Variants in GPR162 observed in about 807,000 individuals in gnomAD.
GPR162 encodes the protein probable G protein-coupled receptor 162.
A neutral mutation model predicts 44.9 loss-of-function variants in GPR162; 26 were observed. That is an observed-to-expected ratio of 0.58 (90% CI 0.42 to 0.80). The LOEUF is 0.80. Ranked by LOEUF, GPR162 falls within the 30% of genes least tolerant of loss-of-function variation. The pLI, the probability that GPR162 is intolerant of heterozygous loss-of-function variation, is 0.00. For missense variants in GPR162, 704 were observed against 802.3 expected (o/e 0.88, Z 1.48); for synonymous variants, 363 against 335.2 (o/e 1.08, Z -0.91).
chr12:6,825,386 T>A, intron 2 of GPR162, 98 bp from the exon 3 acceptor site: 1 of 702,770 alleles, frequency 1.4e-6, no homozygotes, highest in Non-Finnish European at 2.4e-6. Flanking sequence ...GATCAGGCAT[T>A]ACTTCTGACG....
rs1565509594 is a variant in GPR162 at position 6,827,207 on chromosome 12, C to A, written c.*3C>A. 1.3e-6 allele frequency: 2 copies of A among 1,596,186 alleles called. No homozygotes were observed. Among genetic ancestry groups the A allele is most frequent in the East Asian group, 2.2e-5 (1 of 44,518 alleles). ...TCTTTCCCCAGCTGACCCTGTGAGCCCAAGCAGGCCTGCTGAACTCAGAGG... is the reference window on the plus strand; with the variant it reads ...TCTTTCCCCAGCTGACCCTGTGAGCACAAGCAGGCCTGCTGAACTCAGAGG... On this transcript the variant is annotated 3_prime_UTR_variant, in exon 5 of 5. Coordinates refer to ENST00000311268, the MANE Select transcript of GPR162 (RefSeq NM_019858.2).
chr12:6,823,670 A>G lies in GPR162; in HGVS notation c.-229A>G. On this transcript the variant is annotated 5_prime_UTR_variant, in exon 2 of 5. Transcript: ENST00000311268. ...CTTAAGGAAGGCCCCGCCCAGTATG[A>G]AAGCTGAGGATTGCCTCTGCTGACC... 8.0e-7 allele frequency: 1 copy of G among 1,254,888 alleles called. No individual in the cohort carries two copies. The allele number at this position is 1,254,888 out of a possible 1,614,324, so 77.7% of individuals were successfully genotyped here.
chr12:6,825,512 A>ATGGTG lies in GPR162; in HGVS notation c.896_897insTGGTG (p.Ser300GlyfsTer88). The ATGGTG allele has an allele frequency of 6.2e-7, 1 of 1,611,138 alleles. No individual in the cohort carries two copies. The highest frequency in any genetic ancestry group is 8.5e-7 in the Non-Finnish European group (1 of 1,179,152). ...GTGAGCTTCTTCTCCCTCAAGTCGG[A>ATGGTG]CTCGGCGCCCCCCTGGATGGTGCTG... On this transcript the variant is annotated frameshift_variant, in exon 3 of 5. Coordinates refer to ENST00000311268, the MANE Select transcript of GPR162 (RefSeq NM_019858.2). LOFTEE classifies it high-confidence loss of function.
In GPR162 at chr12:6,823,485, G is replaced by T; in HGVS notation, c.-414G>T. 1 of 463,436 alleles carries T rather than the reference G, an allele frequency of 2.2e-6. No homozygotes were observed. Among genetic ancestry groups the T allele is most frequent in the Non-Finnish European group, 3.8e-6 (1 of 261,086 alleles). 28.7% of individuals were successfully genotyped at this position (463,436 alleles called of 1,614,324 possible). A position where few individuals can be genotyped will look rare whatever the true frequency, so the allele number is the denominator to read the frequency against. On this transcript the variant is annotated 5_prime_UTR_variant, in exon 2 of 5. Coordinates refer to ENST00000311268, the MANE Select transcript of GPR162 (RefSeq NM_019858.2). ...CCTTGCAGCCTGTCCAGGGGGCTGA[G>T]CCCCACCCCCAAATCCCTGGGGCAT...
chr12:6,825,388 C>A, intron 2 of GPR162, 96 bp from the exon 3 acceptor site: 1 of 718,976 alleles, frequency 1.4e-6, no homozygotes, highest in Non-Finnish European at 2.3e-6. Flanking sequence ...TCAGGCATTA[C>A]TTCTGACGTC....
At position 6,826,224 on chromosome 12, in the gene GPR162, C is replaced by T; in HGVS notation, c.1086C>T (p.Gly362=). The T allele has an allele frequency of 1.2e-6, 2 of 1,613,960 alleles. No individual in the cohort carries two copies. Among genetic ancestry groups the T allele is most frequent in the Non-Finnish European group, 1.7e-6 (2 of 1,179,914 alleles). The change falls in exon 4 of 5, where the codon GGC becomes GGT. Residue 362 remains glycine, a synonymous_variant. Transcript: ENST00000311268. ...GGGGCTGTGACGACTATGCAGAGGG[C>T]CGAGTTTGCAAAGTTCGCTTTGATG... ...DDGGCDDYAE[G]RVCKVRFDAN...
Position 6,826,849 on chromosome 12 carries a change from C to A in GPR162, c.1412C>A (p.Ala471Asp), listed in dbSNP as rs782353327. The change falls in exon 5 of 5, where the codon GCT (alanine) becomes GAT (aspartate). Residue 471 changes from alanine (A) to aspartate (D), a missense_variant. This residue lies in a region of GPR162 where 404 missense variants were observed against 314.1 expected (regional missense o/e 1.29). Transcript: ENST00000311268. ...RLEDEEDEEE[A>D]EGGGLASLRQ... ...GAGGACGAGGAGGACGAGGAAGAGG[C>A]TGAAGGTGGGGGGCTGGCCAGCCTT... 9.3e-6 allele frequency: 15 copies of A among 1,611,946 alleles called. No individual in the cohort carries two copies. The East Asian group carries it at 3.3e-4, about 36-fold the overall frequency.
rs1191840621 is a variant in GPR162 at position 6,824,777 on chromosome 12, G to A, written c.867+12G>A. ...GGGTGCCCATCTTGGTGAGATCGGG[G>A]TCCTCCCCACCTGTTCTCCCCAATA... On this transcript the variant is annotated intron_variant, in intron 2 of 4. Transcript: ENST00000311268. The A allele has an allele frequency of 1.9e-6, 3 of 1,607,218 alleles. No homozygotes were observed. Among genetic ancestry groups the A allele is most frequent in the Non-Finnish European group, 2.5e-6 (3 of 1,177,446 alleles).
intron 1 of GPR162, among the ~76,000 whole-genome samples, chr12:6,823,107 T>C (rs782200219): frequency 6.6e-6 from 1 of 152,192 alleles, no homozygotes; most frequent in Non-Finnish European, 1.5e-5. Context: ...GAAACCAGTC[T>C]TGTGTCTCCC....
chr12:6,825,370 C>T (rs782016629), intron 2 of GPR162, 114 bp from the exon 3 acceptor site: 1 of 655,592 alleles, frequency 1.5e-6, no homozygotes, highest in East Asian at 2.7e-5. Context: ...TCTGTTGGAG[C>T]ACAGGGATCA....
Position 6,824,144 on chromosome 12 carries a change from C to T in GPR162, c.246C>T (p.Asp82=). The change falls in exon 2 of 5, where the codon GAC becomes GAT. Residue 82 remains aspartate, a synonymous_variant. Coordinates refer to ENST00000311268, the MANE Select transcript of GPR162 (RefSeq NM_019858.2). ...VVQLRRQASS[D]YDWNESICKV... ...AGCTGCGTCGTCAGGCTTCCTCCGACTATGACTGGAACGAGAGTATCTGCA... is the reference window on the plus strand; with the variant it reads ...AGCTGCGTCGTCAGGCTTCCTCCGATTATGACTGGAACGAGAGTATCTGCA... 1 of 1,614,034 alleles carries T rather than the reference C, an allele frequency of 6.2e-7. No individual in the cohort carries two copies.
At chr12:6,825,768 GC>G in intron 3 of GPR162, 95 bp downstream of exon 3, 1 of 1,098,288 alleles carries the variant, frequency 9.1e-7, no homozygotes, top group Non-Finnish European at 1.3e-6. Context: ...GCCCTGGAGT[GC>G]CCCCTACTGG....
Position 6,826,323 on chromosome 12 carries a change from C to A in GPR162, c.1185C>A (p.Phe395Leu). The A allele has an allele frequency of 1.9e-6, 3 of 1,613,664 alleles. No homozygotes were observed. The highest frequency in any genetic ancestry group is 2.5e-6 in the Non-Finnish European group (3 of 1,179,940). The change falls in exon 4 of 5, where the codon TTC (phenylalanine) becomes TTA (leucine). Residue 395 changes from phenylalanine to leucine, a missense_variant. Physicochemically the swap from Phe to Leu is conservative, Grantham distance 22. Around this residue, in one of 6 missense-constraint regions of GPR162, gnomAD observed 404 missense variants for 314.1 expected, o/e 1.29. Transcript: ENST00000311268. ...TGCTGCCTGGAAGGCACATGCTCTTCCCTCCTCTTGAGAGAGTCCACTACT... is the reference window on the plus strand; with the variant it reads ...TGCTGCCTGGAAGGCACATGCTCTTACCTCCTCTTGAGAGAGTCCACTACT... ...VKLLPGRHML[F>L]PPLERVHYLQ...
Position 6,826,662 on chromosome 12 carries a change from TC to T in GPR162, c.1228del (p.Arg410GlyfsTer145), listed in dbSNP as rs1943360803. 1 of 1,520,994 alleles carries T rather than the reference TC, an allele frequency of 6.6e-7. No individual in the cohort carries two copies. The highest frequency in any genetic ancestry group is 8.8e-7 in the Non-Finnish European group (1 of 1,136,616). 94.2% of individuals were successfully genotyped at this position (1,520,994 alleles called of 1,614,324 possible). On this transcript the variant is annotated frameshift_variant, in exon 5 of 5. Transcript: ENST00000311268. LOFTEE classifies it high-confidence loss of function. Reference sequence around the variant, plus strand: ...CCGCTCCTCTTCCCAGGTCCCCCTATCCCGGCGTCTGTCCCATGATGAGACA... The same window carrying T: ...CCGCTCCTCTTCCCAGGTCCCCCTATCCGGCGTCTGTCCCATGATGAGACA... ...ERVHYLQVPLSRRLSHDETNI... is the reference protein window; with the variant it reads ...ERVHYLQVPLXRRLSHDETNI...
Position 6,827,287 on chromosome 12 carries a change from C to T in GPR162, c.*83C>T. On this transcript the variant is annotated 3_prime_UTR_variant, in exon 5 of 5. Coordinates refer to ENST00000311268, the MANE Select transcript of GPR162 (RefSeq NM_019858.2). ...TGGCCGAGAGTAGGGCAGCTGCCTC[C>T]AGACTCTGGGGAGACGGGCGCTAGA... 8.4e-7 allele frequency: 1 copy of T among 1,190,730 alleles called. No homozygotes were observed. The highest frequency in any genetic ancestry group is 1.2e-6 in the Non-Finnish European group (1 of 858,654). The allele number at this position is 1,190,730 out of a possible 1,614,324, so 73.8% of individuals were successfully genotyped here. A position where few individuals can be genotyped will look rare whatever the true frequency, so the allele number is the denominator to read the frequency against.
chr12:6,825,406 C>A, intron 2 of GPR162, 78 bp from the exon 3 acceptor site: 1 of 851,186 alleles, frequency 1.2e-6, no homozygotes, highest in South Asian at 1.6e-5. Context: ...GTCTTGCCCA[C>A]CAGCTGCACT....
chr12:6,826,691 C>T lies in GPR162; in HGVS notation c.1254C>T (p.Asn418=). Residue 418 remains asparagine (N), a synonymous_variant, in exon 5 of 5, where the codon AAC becomes AAT. Transcript: ENST00000311268. The part of the protein sequence containing the change: ...LSRRLSHDET[N]IFSTPREPGS... ...GGCGTCTGTCCCATGATGAGACAAA[C>T]ATCTTCTCTACCCCTCGGGAACCAG... The T allele has an allele frequency of 6.5e-7, 1 of 1,533,680 alleles. No homozygotes were observed. Among genetic ancestry groups the T allele is most frequent in the Non-Finnish European group, 8.7e-7 (1 of 1,143,876 alleles).
chr12:6,826,238 T>G lies in GPR162; in HGVS notation c.1100T>G (p.Val367Gly). The change falls in exon 4 of 5, where the codon GTT (valine) becomes GGT (glycine). Residue 367 changes from valine (V) to glycine (G), a missense_variant. Coordinates refer to ENST00000311268, the MANE Select transcript of GPR162 (RefSeq NM_019858.2). ...TATGCAGAGGGCCGAGTTTGCAAAGTTCGCTTTGATGCTAACGGAGCCACA... is the reference window on the plus strand; with the variant it reads ...TATGCAGAGGGCCGAGTTTGCAAAGGTCGCTTTGATGCTAACGGAGCCACA... ...DDYAEGRVCK[V>G]RFDANGATGP... 6.2e-7 allele frequency: 1 copy of G among 1,614,016 alleles called. No individual in the cohort carries two copies. The highest frequency in any genetic ancestry group is 8.5e-7 in the Non-Finnish European group (1 of 1,179,972).
At position 6,822,088 on chromosome 12, in the gene GPR162, C is replaced by T. The variant is rs781867480; in HGVS notation, c.-432+188C>T. Among the ~76,000 whole-genome samples the T allele has an allele frequency of 6.6e-6, 1 of 152,186 alleles. No homozygotes were observed. Among genetic ancestry groups the T allele is most frequent in the Non-Finnish European group, 1.5e-5 (1 of 68,010 alleles). On this transcript the variant is annotated intron_variant, in intron 1 of 4. Transcript: ENST00000311268. The surrounding 1 kb of genome is among the most constrained non-coding windows in gnomAD (Gnocchi z 4.2). ...CACCCCAAAGGGCGAGGGACCCCGT[C>T]GGCCAGGGAACCTCCCAGATCCCCC...
Sources: gnomAD v4.1 joint callset for allele counts (sites outside exome capture counted in the v4.1 genomes callset) on GRCh38, gnomAD v4.1.1 for gene constraint, gnomAD v4.1.1 regional missense constraint, Gnocchi (gnomAD v3.1) non-coding constraint, MANE v1.5 for transcripts, NCBI Gene and HGNC (gene_info 2026-07-23, HGNC 2026-07-21) for gene names.